SPPL3: variants seen among roughly 807,000 people sequenced by gnomAD.
SPPL3 encodes the protein signal peptide peptidase-like 3.
In SPPL3, 5 loss-of-function variants were observed where a neutral mutation model predicts 42.4. The observed-to-expected ratio is 0.12, with a 90% CI of 0.06 to 0.25. The LOEUF (loss-of-function observed/expected upper bound fraction) is 0.25, where lower values mean the gene tolerates loss of function less well. SPPL3 is among the 10% of genes least tolerant of loss of function. The pLI is 1.00. For missense variants in SPPL3, 235 were observed against 489.0 expected, an observed-to-expected ratio of 0.48 and a Z score of 4.90; for synonymous variants, 195 against 181.8, an observed-to-expected ratio of 1.07 and a Z score of -0.58.
At chr12:120,768,173 G>T in intron 8 of SPPL3, 152 bp downstream of exon 8, 2 of 1,023,852 alleles carry the variant, frequency 2.0e-6, no homozygotes, top group Non-Finnish European at 2.7e-6. Context: ...TTCTTGGCAA[G>T]CCAAGAATCT....
chr12:120,774,543 A>G (rs1326094098), intron 6 of SPPL3, among the ~76,000 whole-genome samples: 1 of 152,108 alleles, frequency 6.6e-6, no homozygotes, highest in Non-Finnish European at 1.5e-5. Context: ...CAATTAGACC[A>G]TCTAGGTCCT....
At chr12:120,820,604 C>T (rs1295779021) in intron 1 of SPPL3, among the ~76,000 whole-genome samples, 2 of 152,156 alleles carry the variant, frequency 1.3e-5, no homozygotes, top group Admixed American at 6.5e-5. Flanking sequence ...GCGTGAGCCA[C>T]TGTGTCCGGC....
intron 1 of SPPL3, among the ~76,000 whole-genome samples, chr12:120,876,358 A>T (rs1257405961): frequency 6.6e-6 from 1 of 152,084 alleles, no homozygotes; most frequent in African/African-American, 2.4e-5. Flanking sequence ...TCACGCCTGT[A>T]ATCTCAGCAC....
chr12:120,789,922 T>C (rs567913113), intron 3 of SPPL3, among the ~76,000 whole-genome samples: 132 of 152,200 alleles, frequency 8.7e-4, no homozygotes, highest in African/African-American at 3.1e-3. Context: ...TTGTTTGTTT[T>C]TGAGGTAAAC....
chr12:120,824,363 CAAA>C (rs985037380), intron 1 of SPPL3, among the ~76,000 whole-genome samples: 6 of 151,666 alleles, frequency 4.0e-5, no homozygotes, highest in African/African-American at 1.5e-4. Flanking sequence ...GCAAAAAAGA[CAAA>C]AAAGTGTTAG....
chr12:120,853,118 A>C (rs1157497622), intron 1 of SPPL3, among the ~76,000 whole-genome samples: 2 of 151,780 alleles, frequency 1.3e-5, no homozygotes, highest in African/African-American at 4.8e-5. Flanking sequence ...GCTGGTCTTG[A>C]ACTCCTGACC....
At chr12:120,841,662 T>C (rs1871837342) in intron 1 of SPPL3, among the ~76,000 whole-genome samples, 1 of 152,216 alleles carries the variant, frequency 6.6e-6, no homozygotes, top group African/African-American at 2.4e-5. Flanking sequence ...AAACAAAACG[T>C]ATTAATTGGC....
At chr12:120,841,345 G>T (rs1240811086) in intron 1 of SPPL3, among the ~76,000 whole-genome samples, 1 of 151,844 alleles carries the variant, frequency 6.6e-6, no homozygotes, top group Non-Finnish European at 1.5e-5. Flanking sequence ...AAGAAACAAT[G>T]AGATATACAA....
chr12:120,884,808 G>GGGGGTT (rs35074232), intron 1 of SPPL3, among the ~76,000 whole-genome samples: 15 of 137,504 alleles, frequency 1.1e-4, no homozygotes, highest in Middle Eastern at 3.9e-3. Context: ...TTTTTTTTGG[G>GGGGGTT]TTTTTTTTTT....
chr12:120,853,286 T>G (rs960093539), intron 1 of SPPL3, among the ~76,000 whole-genome samples: 1 of 152,208 alleles, frequency 6.6e-6, no homozygotes, highest in African/African-American at 2.4e-5. Context: ...TGGTAAATAT[T>G]TGATTTCTAA....
intron 6 of SPPL3, among the ~76,000 whole-genome samples, chr12:120,775,861 A>C (rs1405137684): frequency 1.3e-5 from 2 of 152,210 alleles, no homozygotes; most frequent in African/African-American, 4.8e-5. Flanking sequence ...TTCACTCTAA[A>C]TTAACTTCAA....
chr12:120,874,080 T>C (rs1435072971), intron 1 of SPPL3, among the ~76,000 whole-genome samples: 1 of 151,890 alleles, frequency 6.6e-6, no homozygotes, highest in Non-Finnish European at 1.5e-5. Flanking sequence ...CTACAACTAA[T>C]GTTAAAGGAA....
chr12:120,835,477 GATCT>G (rs1486393929), intron 1 of SPPL3: 2 of 152,184 alleles, frequency 1.3e-5, no homozygotes, highest in Non-Finnish European at 2.9e-5. Context: ...TGAAGTCTAA[GATCT>G]ATCCTCTGAC....
intron 10 of SPPL3, 67 bp from the exon 11 acceptor site, chr12:120,765,137 TAAAA>T: frequency 9.2e-6 from 11 of 1,196,678 alleles, no homozygotes; most frequent in Non-Finnish European, 1.3e-5. Context: ...TCTGATTCTT[TAAAA>T]AAAAAAAATT....
chr12:120,899,533 T>C (rs1041700035), intron 1 of SPPL3, among the ~76,000 whole-genome samples: 1 of 152,122 alleles, frequency 6.6e-6, no homozygotes, highest in Non-Finnish European at 1.5e-5. Context: ...GTTTACAATA[T>C]AGTTAGATTA....
chr12:120,792,669 C>T (rs1313508706), intron 2 of SPPL3, among the ~76,000 whole-genome samples: 2 of 141,570 alleles, frequency 1.4e-5, no homozygotes, highest in East Asian at 2.0e-4. Flanking sequence ...CACTGCACTC[C>T]GGCCTGGCAA....
chr12:120,764,090 G>A lies in SPPL3; in HGVS notation c.*909C>T, dbSNP rs577012797. Reference sequence around the variant, plus strand: ...AATTTGCTACACTGATCAAAACCAAGTAAGGGCTCCTGAAGTCCATGAGTC... The same window carrying A: ...AATTTGCTACACTGATCAAAACCAAATAAGGGCTCCTGAAGTCCATGAGTC... On this transcript the variant is annotated 3_prime_UTR_variant, in exon 11 of 11. Transcript: ENST00000353487. 6.5e-6 allele frequency: 1 copy of A among 152,694 alleles called. No individual in the cohort carries two copies. Among genetic ancestry groups the A allele is most frequent in the Admixed American group, 6.5e-5 (1 of 15,294 alleles). 9.5% of individuals were successfully genotyped at this position (152,694 alleles called of 1,614,324 possible).
At chr12:120,795,761 T>C (rs1838503210) in intron 2 of SPPL3, among the ~76,000 whole-genome samples, 1 of 152,182 alleles carries the variant, frequency 6.6e-6, no homozygotes, top group Admixed American at 6.5e-5. Context: ...TTATCAAATT[T>C]AGAAAAAACT....
At chr12:120,861,987 TAGTAAATAAGTGA>T in intron 1 of SPPL3, among the ~76,000 whole-genome samples, 1 of 152,116 alleles carries the variant, frequency 6.6e-6, no homozygotes, top group East Asian at 1.9e-4. Context: ...TCCAAAACAA[TAGTAAATAAGTGA>T]ACATGAATTA....
Sources: allele counts gnomAD v4.1 joint callset (sites outside exome capture counted in the v4.1 genomes callset), GRCh38; gene constraint gnomAD v4.1.1; transcripts MANE v1.5; gene names NCBI Gene and HGNC (gene_info 2026-07-23, HGNC 2026-07-21).